MYRIP: variants seen among roughly 807,000 people sequenced by gnomAD.
The protein encoded by MYRIP is myosin VIIA and Rab interacting protein, also known as rab effector MyRIP.
A neutral mutation model predicts 98.0 loss-of-function variants in MYRIP; 49 were observed. The ratio of observed to expected loss-of-function variants is 0.50; its 90% confidence interval spans 0.40 to 0.63. MYRIP has a LOEUF of 0.63. Among genes scored for constraint, MYRIP ranks in the 30% least tolerant of loss-of-function variants. MYRIP has a pLI of 0.00. For missense variants in MYRIP, 1,004 were observed against 1,058.2 expected (o/e 0.95, Z 0.71); for synonymous variants, 404 against 409.5 (o/e 0.99, Z 0.16).
chr3:40,102,663 A>AGT lies in MYRIP; in HGVS notation c.333-48383_333-48382dup, dbSNP rs1245396696. Among the ~76,000 whole-genome samples the AGT allele has an allele frequency of 3.9e-5, 6 of 152,222 alleles. No individual in the cohort carries two copies. In the East Asian group the frequency reaches 1.2e-3, roughly 30 times the overall value. The stretch of plus-strand genomic sequence containing the variant: ...TGTGGCAACAATGTAAGGTTGTAGA[A>AGT]GTGGTACAAGATGTGATTTCTCTGT... On this transcript the variant is annotated intron_variant, in intron 3 of 16. Transcript: ENST00000302541.
chr3:40,008,826 T>G (rs1029345770), intron 2 of MYRIP, among the ~76,000 whole-genome samples: 1 of 152,330 alleles, frequency 6.6e-6, no homozygotes, highest in South Asian at 2.1e-4. Flanking sequence ...CTCTGCAGAT[T>G]TGCCTCTTGT....
At chr3:40,107,253 A>C (rs748213621) in intron 3 of MYRIP, among the ~76,000 whole-genome samples, 4 of 152,218 alleles carry the variant, frequency 2.6e-5, no homozygotes, top group Non-Finnish European at 4.4e-5. Flanking sequence ...TTGCCCTGTA[A>C]GTAGGGCCAG....
intron 11 of MYRIP, among the ~76,000 whole-genome samples, chr3:40,226,835 G>A (rs942401507): frequency 6.6e-5 from 10 of 152,164 alleles, no homozygotes; most frequent in East Asian, 3.9e-4. Flanking sequence ...GTGGCACCTC[G>A]TTGCCAGCAG....
intron 7 of MYRIP, among the ~76,000 whole-genome samples, chr3:40,167,807 A>G (rs572847063): frequency 1.3e-5 from 2 of 152,278 alleles, no homozygotes; most frequent in Non-Finnish European, 2.9e-5. Context: ...TGCTTTACTT[A>G]CCATTACCGG....
At chr3:39,878,464 A>G (rs1048889419) in intron 1 of MYRIP, among the ~76,000 whole-genome samples, 1 of 152,192 alleles carries the variant, frequency 6.6e-6, no homozygotes. Flanking sequence ...TGTAGACCAG[A>G]GCTGTTCCTA....
chr3:39,997,688 G>T (rs371658840), intron 2 of MYRIP, among the ~76,000 whole-genome samples: 1 of 152,090 alleles, frequency 6.6e-6, no homozygotes, highest in South Asian at 2.1e-4. Flanking sequence ...ATTTTATGAG[G>T]CCAGCATCAT....
At chr3:39,952,442 T>G (rs1280162693) in intron 2 of MYRIP, among the ~76,000 whole-genome samples, 1 of 152,166 alleles carries the variant, frequency 6.6e-6, no homozygotes, top group Non-Finnish European at 1.5e-5. Flanking sequence ...GATGATGTGG[T>G]TTTTGCCCTT....
chr3:40,257,955 AG>A (rs1428851609), intron 16 of MYRIP, among the ~76,000 whole-genome samples, 178 bp from the exon 17 acceptor site: 4 of 152,246 alleles, frequency 2.6e-5, no homozygotes, highest in Admixed American at 2.6e-4. Flanking sequence ...AATTAATTTC[AG>A]GTGGATTAAG....
At chr3:40,005,930 G>A (rs1425166551) in intron 2 of MYRIP, among the ~76,000 whole-genome samples, 3 of 152,120 alleles carry the variant, frequency 2.0e-5, no homozygotes, top group Non-Finnish European at 4.4e-5. Context: ...AGAGTCACAG[G>A]GGGATTTAAT....
At chr3:40,197,025 C>T (rs760948392) in intron 10 of MYRIP, among the ~76,000 whole-genome samples, 6 of 152,274 alleles carry the variant, frequency 3.9e-5, no homozygotes, top group Non-Finnish European at 8.8e-5. Context: ...TACCTTTGCA[C>T]GCTGAGCCTC....
At chr3:40,144,571 G>T (rs1345865950) in intron 3 of MYRIP, among the ~76,000 whole-genome samples, 1 of 152,222 alleles carries the variant, frequency 6.6e-6, no homozygotes, top group Non-Finnish European at 1.5e-5. Flanking sequence ...TGCTCAGAGA[G>T]CAGGGCAGTG....
chr3:39,973,384 G>A (rs900047189), intron 2 of MYRIP, among the ~76,000 whole-genome samples: 1 of 152,080 alleles, frequency 6.6e-6, no homozygotes, highest in Non-Finnish European at 1.5e-5. Context: ...CAATACAGGA[G>A]CACCCAGATT....
At chr3:40,117,771 C>G (rs906128710) in intron 3 of MYRIP, among the ~76,000 whole-genome samples, 1 of 152,164 alleles carries the variant, frequency 6.6e-6, no homozygotes, top group Admixed American at 6.5e-5. Context: ...CTCTTACCCT[C>G]TACCTGACAT....
chr3:39,995,495 T>A (rs1946322888), intron 2 of MYRIP, among the ~76,000 whole-genome samples: 1 of 151,852 alleles, frequency 6.6e-6, no homozygotes, highest in Admixed American at 6.6e-5. Context: ...GAAAAAAGAA[T>A]AAAAGAAACA....
chr3:39,909,812 C>T (rs972307179), intron 2 of MYRIP, among the ~76,000 whole-genome samples: 3 of 152,130 alleles, frequency 2.0e-5, no homozygotes, highest in African/African-American at 7.2e-5. Context: ...TTACTAATAG[C>T]ATTGAATAGA....
chr3:40,156,139 G>C (rs1428215637), intron 4 of MYRIP, among the ~76,000 whole-genome samples: 1 of 151,736 alleles, frequency 6.6e-6, no homozygotes, highest in Non-Finnish European at 1.5e-5. Context: ...TAACATTTAA[G>C]TCTTTAATCC....
At position 40,244,499 on chromosome 3, in the gene MYRIP, A is replaced by G; in HGVS notation, c.2154A>G (p.Leu718=). Residue 718 remains leucine, a synonymous_variant, in exon 13 of 17, where the codon CTA becomes CTG. Coordinates refer to ENST00000302541, the MANE Select transcript of MYRIP (RefSeq NM_015460.4). ...VYGLETQLTE[L]EDAARCIHSG... is the part of the protein sequence containing the mutation. ...GACTGGAGACCCAGCTGACTGAGCT[A>G]GAAGATGCCGCCCGCTGCATCCACA... is the stretch of plus-strand genomic sequence containing the variant. 6.2e-7 allele frequency: 1 copy of G among 1,613,992 alleles called. No homozygotes were observed. The highest frequency in any genetic ancestry group is 8.5e-7 in the Non-Finnish European group (1 of 1,179,900).
intron 3 of MYRIP, among the ~76,000 whole-genome samples, chr3:40,093,700 G>C (rs1352991918): frequency 6.6e-6 from 1 of 152,224 alleles, no homozygotes; most frequent in East Asian, 1.9e-4. Context: ...TCAAACAGAA[G>C]TGAGAGGCAC....
chr3:39,823,544 T>C (rs1941178396), intron 1 of MYRIP, among the ~76,000 whole-genome samples: 1 of 152,218 alleles, frequency 6.6e-6, no homozygotes, highest in Non-Finnish European at 1.5e-5. Flanking sequence ...ATAATAGCCA[T>C]CCTAACTGGG....
Sources: gnomAD v4.1 joint callset for allele counts (sites outside exome capture counted in the v4.1 genomes callset) on GRCh38, gnomAD v4.1.1 for gene constraint, MANE v1.5 for transcripts, NCBI Gene and HGNC (gene_info 2026-07-23, HGNC 2026-07-21) for gene names.